SAMTOR: variants seen among roughly 807,000 people sequenced by gnomAD.
The protein encoded by SAMTOR is S-adenosylmethionine sensor upstream of mTORC1.
the SAMTOR span, among the ~76,000 whole-genome samples, chr7:112,887,203 C>T: frequency 6.6e-6 from 1 of 150,834 alleles, no homozygotes; most frequent in Non-Finnish European, 1.5e-5. Context: ...AATATAAGAT[C>T]ATATTATTCG....
the SAMTOR span, among the ~76,000 whole-genome samples, chr7:112,885,814 C>G: frequency 6.6e-6 from 1 of 152,312 alleles, no homozygotes; most frequent in East Asian, 1.9e-4. Flanking sequence ...TCCAAAGTTG[C>G]TCCCACATTT....
chr7:112,865,409 C>A, the SAMTOR span, among the ~76,000 whole-genome samples: 1 of 151,952 alleles, frequency 6.6e-6, no homozygotes, highest in African/African-American at 2.4e-5. Context: ...TCCCAAGTAG[C>A]TGGGATTACA....
chr7:112,843,450 T>TCC, the SAMTOR span, among the ~76,000 whole-genome samples: 1 of 152,086 alleles, frequency 6.6e-6, no homozygotes, highest in East Asian at 1.9e-4. Context: ...GTAATTTCTC[T>TCC]AAGTAATAAA....
At chr7:112,936,716 A>C in the SAMTOR span, among the ~76,000 whole-genome samples, 1 of 152,096 alleles carries the variant, frequency 6.6e-6, no homozygotes, top group Non-Finnish European at 1.5e-5. Flanking sequence ...TTAATATTCA[A>C]TGGCTGTTTT....
At chr7:112,935,094 A>C in the SAMTOR span, 252,820 of 256,342 alleles carry the variant, frequency 0.99, 124,764 homozygotes, top group East Asian at 1. Context: ...ATTTATTTCA[A>C]TGATCAGGCA....
At chr7:112,860,096 T>G in the SAMTOR span, among the ~76,000 whole-genome samples, 44 of 152,294 alleles carry the variant, frequency 2.9e-4, no homozygotes, top group Admixed American at 5.9e-4. Context: ...CTTTTCTATG[T>G]TTAGATACAC....
At chr7:112,879,534 A>C in the SAMTOR span, among the ~76,000 whole-genome samples, 1 of 152,138 alleles carries the variant, frequency 6.6e-6, no homozygotes, top group African/African-American at 2.4e-5. Context: ...TTAACTACTA[A>C]ATTGCCACTA....
At chr7:112,869,848 T>A in the SAMTOR span, among the ~76,000 whole-genome samples, 4 of 152,050 alleles carry the variant, frequency 2.6e-5, no homozygotes, top group Non-Finnish European at 4.4e-5. Flanking sequence ...AAAGATAATA[T>A]AACCATATTA....
At chr7:112,927,597 A>G in the SAMTOR span, among the ~76,000 whole-genome samples, 2 of 152,056 alleles carry the variant, frequency 1.3e-5, no homozygotes, top group Non-Finnish European at 2.9e-5. Flanking sequence ...TGAGACAGAG[A>G]GAAAGAGAGA....
chr7:112,909,246 C>A, the SAMTOR span, among the ~76,000 whole-genome samples: 1 of 152,168 alleles, frequency 6.6e-6, no homozygotes, highest in Admixed American at 6.5e-5. Flanking sequence ...AAAGCCTGCA[C>A]TGCTTGATAC....
chr7:112,927,916 C>T, the SAMTOR span, among the ~76,000 whole-genome samples: 3 of 151,860 alleles, frequency 2.0e-5, no homozygotes, highest in Non-Finnish European at 4.4e-5. Context: ...ATATGATAAT[C>T]AATGAACCAA....
the SAMTOR span, among the ~76,000 whole-genome samples, chr7:112,904,049 G>A: frequency 1.3e-5 from 2 of 152,006 alleles, no homozygotes; most frequent in Admixed American, 1.3e-4. Flanking sequence ...AAATAGTTAT[G>A]TATCACTTAT....
the SAMTOR span, among the ~76,000 whole-genome samples, chr7:112,883,651 C>T: frequency 9.2e-5 from 14 of 152,116 alleles, no homozygotes; most frequent in African/African-American, 3.4e-4. Flanking sequence ...ATTCTTAGGC[C>T]AAGCCCAGGC....
At chr7:112,886,588 A>G in the SAMTOR span, among the ~76,000 whole-genome samples, 1 of 152,238 alleles carries the variant, frequency 6.6e-6, no homozygotes, top group Non-Finnish European at 1.5e-5. Context: ...CCTTCAAAAA[A>G]GAGAGCATCA....
At chr7:112,922,895 C>A in the SAMTOR span, among the ~76,000 whole-genome samples, 3 of 142,492 alleles carry the variant, frequency 2.1e-5, no homozygotes, top group African/African-American at 8.0e-5. Flanking sequence ...GTCAGCCCCC[C>A]CCCCCCGGGC....
chr7:112,839,157 C>T, the SAMTOR span, among the ~76,000 whole-genome samples: 1 of 151,708 alleles, frequency 6.6e-6, no homozygotes, highest in Non-Finnish European at 1.5e-5. Context: ...AACACTATGA[C>T]AAGGTAAAAG....
the SAMTOR span, among the ~76,000 whole-genome samples, chr7:112,932,381 C>G: frequency 6.6e-6 from 1 of 151,908 alleles, no homozygotes; most frequent in African/African-American, 2.4e-5. Context: ...TAACTTGGAC[C>G]ATTTAAAAAA....
chr7:112,848,808 C>T, the SAMTOR span, among the ~76,000 whole-genome samples: 5 of 151,966 alleles, frequency 3.3e-5, no homozygotes, highest in African/African-American at 4.8e-5. Flanking sequence ...TTCTCCAATG[C>T]GGGAGGCCGA....
At chr7:112,903,593 G>A in the SAMTOR span, among the ~76,000 whole-genome samples, 8 of 152,264 alleles carry the variant, frequency 5.3e-5, no homozygotes, top group South Asian at 1.7e-3. Context: ...GTTCTTACAT[G>A]ATACACACTG....
Sources: gnomAD v4.1 joint callset for allele counts (sites outside exome capture counted in the v4.1 genomes callset) on GRCh38, gnomAD v4.1.1 for gene constraint, MANE v1.5 for transcripts, NCBI Gene and HGNC (gene_info 2026-07-23, HGNC 2026-07-21) for gene names.